Variants in NECAB1 observed in about 807,000 individuals in gnomAD.
NECAB1 encodes N-terminal EF-hand calcium binding protein 1, also known as N-terminal EF-hand calcium-binding protein 1.
NECAB1 carries 29 observed loss-of-function variants against 57.5 expected under a neutral mutation model. That is an observed-to-expected ratio of 0.50 (90% CI 0.38 to 0.69). NECAB1 has a LOEUF of 0.69. NECAB1 is among the 30% of genes least tolerant of loss of function. The pLI, the probability that NECAB1 is intolerant of heterozygous loss-of-function variation, is 0.00. For missense variants in NECAB1, 372 were observed against 413.8 expected (o/e 0.90, Z 0.88); for synonymous variants, 142 against 147.7 (o/e 0.96, Z 0.28).
rs1432271473 is a variant in NECAB1 at position 90,957,592 on chromosome 8, TATGTATGTGA to T, written c.*2085_*2094del. ...TTTTTGTGTATGTTTGTGAGAGTTG[TATGTATGTGA>T]ATGTGTGTGAGTGTGTATTCACATA... On this transcript the variant is annotated 3_prime_UTR_variant, in exon 13 of 13. Transcript: ENST00000417640. The T allele has an allele frequency of 6.6e-6, 1 of 150,928 alleles. No homozygotes were observed. 9.3% of individuals were successfully genotyped at this position (150,928 alleles called of 1,614,324 possible). A position where few individuals can be genotyped will look rare whatever the true frequency, so the allele number is the denominator to read the frequency against.
At chr8:90,945,094 C>T (rs1292126419) in intron 10 of NECAB1, among the ~76,000 whole-genome samples, 7 of 151,968 alleles carry the variant, frequency 4.6e-5, no homozygotes, top group South Asian at 4.2e-4. Context: ...GATGGAGTCT[C>T]GCTCTGTCGC....
intron 8 of NECAB1, among the ~76,000 whole-genome samples, chr8:90,933,093 A>T (rs1461996589): frequency 1.3e-5 from 2 of 152,220 alleles, no homozygotes; most frequent in Non-Finnish European, 1.5e-5. Flanking sequence ...GTTGGCATGG[A>T]TGTGGTGAAC....
At chr8:90,872,064 T>C (rs1808630928) in intron 3 of NECAB1, 64 bp from the exon 4 acceptor site, 1 of 1,311,234 alleles carries the variant, frequency 7.6e-7, no homozygotes, top group Non-Finnish European at 1.1e-6. Flanking sequence ...TTTAACTATT[T>C]AAAAACGTAG....
rs775281844 is a variant in NECAB1, at chr8:90,835,976, T to A, written c.233+11151T>A. ...AACACAGAAGGAGAACTGATTCCTT[T>A]TGTTTGGGAGGAGGATAAATGATAA... On this transcript the variant is annotated intron_variant, in intron 3 of 12. Coordinates refer to ENST00000417640, the MANE Select transcript of NECAB1 (RefSeq NM_022351.5). Among the ~76,000 whole-genome samples, 10 of 152,210 alleles carry A rather than the reference T, an allele frequency of 6.6e-5. 1 individual carries two copies. Among genetic ancestry groups the A allele is most frequent in the African/African-American group, 9.6e-5 (4 of 41,464 alleles).
rs1053392088 is a variant in NECAB1, at chr8:90,957,857, T to A, written c.*2345T>A. Reference sequence around the variant, plus strand: ...AAAAAAAATTTAAAAAATTAAAAAATAAAAAAAAGAGGTCACTAAAAGACC... The same window carrying A: ...AAAAAAAATTTAAAAAATTAAAAAAAAAAAAAAAGAGGTCACTAAAAGACC... On this transcript the variant is annotated 3_prime_UTR_variant, in exon 13 of 13. Coordinates refer to ENST00000417640, the MANE Select transcript of NECAB1 (RefSeq NM_022351.5). The A allele has an allele frequency of 6.9e-5, 10 of 145,302 alleles. No individual in the cohort carries two copies. The East Asian group carries it at 1.4e-3, about 20-fold the overall frequency. The allele number at this position is 145,302 out of a possible 1,614,324, so 9.0% of individuals were successfully genotyped here.
intron 12 of NECAB1, 84 bp from the exon 13 acceptor site, chr8:90,955,403 C>G (rs1811013054): frequency 1.0e-6 from 1 of 969,080 alleles, no homozygotes. Flanking sequence ...GGGGAATGGT[C>G]TCTTTAGAAA....
chr8:90,814,968 T>C (rs1301766725), intron 2 of NECAB1, among the ~76,000 whole-genome samples: 7 of 152,142 alleles, frequency 4.6e-5, no homozygotes, highest in African/African-American at 1.4e-4. Context: ...AATATTTCTG[T>C]ATGTACCCAT....
intron 9 of NECAB1, among the ~76,000 whole-genome samples, chr8:90,934,614 A>G (rs1444586226): frequency 6.6e-6 from 1 of 152,158 alleles, no homozygotes; most frequent in Non-Finnish European, 1.5e-5. Context: ...TGAGTTATTG[A>G]ATAATTGAAG....
At chr8:90,937,105 C>T (rs1399396079) in intron 9 of NECAB1, among the ~76,000 whole-genome samples, 1 of 152,062 alleles carries the variant, frequency 6.6e-6, no homozygotes. Context: ...AACAATTATG[C>T]AGTGCTGTTG....
intron 10 of NECAB1, among the ~76,000 whole-genome samples, chr8:90,944,812 A>G (rs1810760088): frequency 6.6e-6 from 1 of 152,232 alleles, no homozygotes; most frequent in South Asian, 2.1e-4. Context: ...GGCCTAAGGA[A>G]TATGAATGTA....
intron 1 of NECAB1, 65 bp from the exon 2 acceptor site, chr8:90,801,620 TGTGTAA>T: frequency 1.2e-6 from 1 of 866,980 alleles, no homozygotes; most frequent in African/African-American, 1.7e-5. Context: ...GAATAAATTA[TGTGTAA>T]GTGTAACGTT....
intron 10 of NECAB1, among the ~76,000 whole-genome samples, chr8:90,942,814 G>C (rs1398158760): frequency 6.6e-6 from 1 of 152,110 alleles, no homozygotes. Flanking sequence ...CCCCGGAGGC[G>C]GAGGTTGCAG....
intron 5 of NECAB1, among the ~76,000 whole-genome samples, chr8:90,897,770 A>G (rs1163708285): frequency 1.3e-5 from 2 of 152,190 alleles, no homozygotes; most frequent in Non-Finnish European, 2.9e-5. Context: ...CGTTTCAAAA[A>G]TGACACTTTA....
intron 9 of NECAB1, among the ~76,000 whole-genome samples, chr8:90,938,765 A>G (rs1810601126): frequency 6.6e-6 from 1 of 152,200 alleles, no homozygotes; most frequent in Non-Finnish European, 1.5e-5. Context: ...TCCAACTCAT[A>G]CATCAATGTA....
intron 2 of NECAB1, among the ~76,000 whole-genome samples, chr8:90,803,915 T>C (rs896812235): frequency 3.3e-5 from 5 of 152,210 alleles, no homozygotes; most frequent in African/African-American, 1.2e-4. Flanking sequence ...CTCCCCCAGT[T>C]CCCTTGACAG....
intron 8 of NECAB1, among the ~76,000 whole-genome samples, chr8:90,933,687 T>G (rs1309830514): frequency 1.3e-5 from 2 of 151,964 alleles, no homozygotes; most frequent in Non-Finnish European, 2.9e-5. Flanking sequence ...AGAACTTACC[T>G]GTACAAGCAA....
chr8:90,898,338 TTTAGAC>T (rs1225286524), intron 5 of NECAB1, among the ~76,000 whole-genome samples: 1 of 152,220 alleles, frequency 6.6e-6, no homozygotes, highest in African/African-American at 2.4e-5. Context: ...TAGCCTTGTC[TTTAGAC>T]TTAGAGTAGC....
chr8:90,925,865 G>A (rs188057824), intron 7 of NECAB1, among the ~76,000 whole-genome samples: 1 of 152,284 alleles, frequency 6.6e-6, no homozygotes, highest in East Asian at 1.9e-4. Context: ...TAGCAGTTGT[G>A]CCTGGAAAGC....
At chr8:90,889,871 C>A (rs1213453723) in intron 5 of NECAB1, among the ~76,000 whole-genome samples, 1 of 152,172 alleles carries the variant, frequency 6.6e-6, no homozygotes, top group African/African-American at 2.4e-5. Context: ...AAGTCCAGCC[C>A]ACACTCAGTG....
Sources: gnomAD v4.1 joint callset for allele counts (sites outside exome capture counted in the v4.1 genomes callset) on GRCh38, gnomAD v4.1.1 for gene constraint, MANE v1.5 for transcripts, NCBI Gene and HGNC (gene_info 2026-07-23, HGNC 2026-07-21) for gene names.